Variants in PARP16 observed in about 807,000 individuals in gnomAD.
PARP16 encodes protein mono-ADP-ribosyltransferase PARP16.
Under a neutral mutation model 35.0 loss-of-function variants are expected in PARP16, and 31 were observed. That is an observed-to-expected ratio of 0.88 (90% CI 0.66 to 1.19). The LOEUF is 1.19. PARP16 is among the 50% of genes most tolerant of loss of function. PARP16 has a pLI of 0.00. For missense variants in PARP16, 424 were observed against 411.2 expected (o/e 1.03, Z -0.27); for synonymous variants, 162 against 169.5 (o/e 0.96, Z 0.34).
At chr15:65,243,046 A>T (rs4776674) in intron 3 of PARP16, among the ~76,000 whole-genome samples, 33,200 of 151,996 alleles carry the variant, frequency 0.22, 3,869 homozygotes, top group Middle Eastern at 0.29. Flanking sequence ...TTCCTAGATT[A>T]CTTAAGATTT....
chr15:65,267,982 C>T (rs532896302), intron 2 of PARP16, among the ~76,000 whole-genome samples: 8 of 152,104 alleles, frequency 5.3e-5, no homozygotes, highest in African/African-American at 7.2e-5. Context: ...TGAGCCACCA[C>T]GCCCGGCCAC....
At chr15:65,238,162 T>C (rs1263364491) in intron 3 of PARP16, among the ~76,000 whole-genome samples, 1 of 152,088 alleles carries the variant, frequency 6.6e-6, no homozygotes, top group African/African-American at 2.4e-5. Flanking sequence ...GTGGGGCCTG[T>C]AATCCCAGCT....
intron 1 of PARP16, among the ~76,000 whole-genome samples, chr15:65,284,337 C>CTTTTTTTTTTT (rs34254507): frequency 3.0e-5 from 2 of 67,034 alleles, no homozygotes; most frequent in Non-Finnish European, 5.4e-5. Context: ...TTTCTTTCCT[C>CTTTTTTTTTTT]TTTTTTTTTT....
intron 3 of PARP16, among the ~76,000 whole-genome samples, chr15:65,264,896 G>A (rs1427066866): frequency 1.3e-5 from 2 of 152,178 alleles, no homozygotes; most frequent in African/African-American, 4.8e-5. Flanking sequence ...ATGCCTCTAA[G>A]CAGCAAACTC....
In PARP16 at chr15:65,275,607, G is replaced by A. The variant is rs138480745; in HGVS notation, c.175-4535C>T. ...TGGCTGGAACCTAGAGTGTGGGGAA[G>A]TGGCTGCCAAGAGGAAGAGTGGGAA... On this transcript the variant is annotated intron_variant, in intron 1 of 5. Coordinates refer to ENST00000649807, the MANE Select transcript of PARP16 (RefSeq NM_001316943.2). Among the ~76,000 whole-genome samples the A allele has an allele frequency of 4.8e-4, 73 of 152,208 alleles. 1 individual carries two copies. The highest frequency in any genetic ancestry group is 1.6e-4 in the Non-Finnish European group (11 of 67,988).
At chr15:65,275,470 C>T (rs1046229578) in intron 1 of PARP16, among the ~76,000 whole-genome samples, 1 of 152,000 alleles carries the variant, frequency 6.6e-6, no homozygotes, top group Non-Finnish European at 1.5e-5. Flanking sequence ...CATAGGGTCC[C>T]GGTGGAGATT....
intron 1 of PARP16, among the ~76,000 whole-genome samples, chr15:65,273,225 C>A (rs1458265377): frequency 7.1e-6 from 1 of 141,820 alleles, no homozygotes; most frequent in Non-Finnish European, 1.5e-5. Flanking sequence ...TTGCAGTGAG[C>A]CAAGATGGCG....
At chr15:65,279,891 T>A (rs943268489) in intron 1 of PARP16, among the ~76,000 whole-genome samples, 1 of 151,924 alleles carries the variant, frequency 6.6e-6, no homozygotes, top group Non-Finnish European at 1.5e-5. Context: ...AGGGTTTTTT[T>A]TTTTCCTTAG....
chr15:65,263,026 C>T, intron 4 of PARP16, 123 bp downstream of exon 4: 1 of 863,066 alleles, frequency 1.2e-6, no homozygotes, highest in Non-Finnish European at 1.8e-6. Context: ...CTGTCCGGCA[C>T]TGCCCTGGAT....
chr15:65,269,201 TTTC>T (rs1222462202), intron 2 of PARP16, among the ~76,000 whole-genome samples: 3 of 150,900 alleles, frequency 2.0e-5, no homozygotes, highest in South Asian at 2.1e-4. Flanking sequence ...TCTTTCTTTC[TTTC>T]TTTTTTTTTT....
chr15:65,267,926 C>T (rs1352250570), intron 2 of PARP16, among the ~76,000 whole-genome samples: 4 of 151,736 alleles, frequency 2.6e-5, no homozygotes, highest in Admixed American at 1.3e-4. Context: ...CTCCTGACCT[C>T]GTGATCCACC....
chr15:65,237,656 A>G (rs905702829), intron 3 of PARP16, among the ~76,000 whole-genome samples: 3 of 152,126 alleles, frequency 2.0e-5, no homozygotes, highest in African/African-American at 7.2e-5. Flanking sequence ...TCAAAGAACA[A>G]CATCTCCCCT....
intron 2 of PARP16, among the ~76,000 whole-genome samples, chr15:65,249,328 G>T (rs551117351): frequency 1.3e-5 from 2 of 152,252 alleles, no homozygotes; most frequent in Non-Finnish European, 2.9e-5. Flanking sequence ...CTGGGCGGGG[G>T]TGAAGGGGCT....
At chr15:65,248,520 C>T (rs1437325221) in intron 2 of PARP16, among the ~76,000 whole-genome samples, 48 of 152,110 alleles carry the variant, frequency 3.2e-4, no homozygotes, top group Non-Finnish European at 7.4e-5. Flanking sequence ...CAGGGAAACA[C>T]ACAAGTACAT....
intron 3 of PARP16, among the ~76,000 whole-genome samples, chr15:65,239,968 T>TTTTTTTTTTTTTTTTTTTTTTG (rs2089007208): frequency 7.3e-6 from 1 of 137,200 alleles, no homozygotes; most frequent in Non-Finnish European, 1.6e-5. Context: ...TTTTTTTTTT[T>TTTTTTTTTTTTTTTTTTTTTTG]TTTTTTAAAT....
intron 1 of PARP16, among the ~76,000 whole-genome samples, chr15:65,278,483 G>C (rs1447109739): frequency 6.6e-6 from 1 of 152,224 alleles, no homozygotes; most frequent in Non-Finnish European, 1.5e-5. Flanking sequence ...GCAGAGCTGA[G>C]AGCCTCAGGG....
chr15:65,272,230 C>T (rs2090118793), intron 1 of PARP16, among the ~76,000 whole-genome samples: 1 of 152,218 alleles, frequency 6.6e-6, no homozygotes, highest in Admixed American at 6.5e-5. Context: ...TGTCATCAGT[C>T]CTAGAGCCTT....
intron 2 of PARP16, among the ~76,000 whole-genome samples, chr15:65,251,999 C>G (rs1479268643): frequency 4.6e-5 from 7 of 152,044 alleles, no homozygotes; most frequent in African/African-American, 1.7e-4. Flanking sequence ...CTCCTGACCT[C>G]GTGATCCACC....
At chr15:65,278,369 A>G (rs1351241426) in intron 1 of PARP16, among the ~76,000 whole-genome samples, 1 of 152,222 alleles carries the variant, frequency 6.6e-6, no homozygotes, top group Admixed American at 6.5e-5. Flanking sequence ...AAGCTAGAGG[A>G]CAAACAAAAC....
Sources: allele counts gnomAD v4.1 joint callset (sites outside exome capture counted in the v4.1 genomes callset), GRCh38; gene constraint gnomAD v4.1.1; transcripts MANE v1.5; gene names NCBI Gene and HGNC (gene_info 2026-07-23, HGNC 2026-07-21).